NRXN3: variants seen among roughly 807,000 people sequenced by gnomAD.
The protein encoded by NRXN3 is neurexin III.
In NRXN3, 32 loss-of-function variants were observed where a neutral mutation model predicts 137.6. The observed-to-expected ratio is 0.23, with a 90% CI of 0.18 to 0.31. The LOEUF (loss-of-function observed/expected upper bound fraction) is 0.31, where lower values mean the gene tolerates loss of function less well. NRXN3 is among the 10% of genes least tolerant of loss of function. The probability of loss-of-function intolerance (pLI) is 1.00; values close to 1 mark genes in which losing one functional copy is unlikely to be tolerated. For missense variants in NRXN3, 1,574 were observed against 2,062.5 expected, an observed-to-expected ratio of 0.76 and a Z score of 4.59; for synonymous variants, 798 against 784.5, an observed-to-expected ratio of 1.02 and a Z score of -0.29.
chr14:79,839,179 G>A (rs2099350447), intron 20 of NRXN3, among the ~76,000 whole-genome samples: 1 of 151,798 alleles, frequency 6.6e-6, no homozygotes, highest in Admixed American at 6.6e-5. Context: ...CTGCTTGGTT[G>A]CTATGAATCT....
Position 79,697,621 on chromosome 14 carries a change from AC to A in NRXN3, c.3707-6del. 6.2e-7 allele frequency: 1 copy of A among 1,609,024 alleles called. No individual in the cohort carries two copies. Among genetic ancestry groups the A allele is most frequent in the South Asian group, 1.1e-5 (1 of 90,890 alleles). On this transcript the variant is annotated splice_region_variant and splice_polypyrimidine_tract_variant and intron_variant, in intron 18 of 20. Transcript: ENST00000335750. ...AGAATAATAATGTTTCCTCCACCCA[AC>A]CCACTAGGCCGGCAGTTAACCATCT...
intron 4 of NRXN3, among the ~76,000 whole-genome samples, chr14:78,456,799 C>CTCCTTCTTTCTT (rs2094720005): frequency 1.0e-5 from 1 of 97,620 alleles, no homozygotes; most frequent in Non-Finnish European, 2.2e-5. Flanking sequence ...CTCTCTTTCT[C>CTCCTTCTTTCTT]TCTTTCTTTC....
chr14:79,001,040 A>C (rs1344137934), intron 15 of NRXN3, among the ~76,000 whole-genome samples: 1 of 152,148 alleles, frequency 6.6e-6, no homozygotes, highest in African/African-American at 2.4e-5. Context: ...AAGATTTTGC[A>C]TTTAGTTATA....
intron 4 of NRXN3, among the ~76,000 whole-genome samples, chr14:78,306,456 A>G (rs1178861935): frequency 2.0e-5 from 3 of 152,174 alleles, no homozygotes; most frequent in Non-Finnish European, 4.4e-5. Context: ...AATGTTTTGA[A>G]TTGTGTTGTC....
chr14:79,324,788 T>C (rs926962487), intron 15 of NRXN3, among the ~76,000 whole-genome samples: 1 of 152,226 alleles, frequency 6.6e-6, no homozygotes, highest in African/African-American at 2.4e-5. Flanking sequence ...TATTCAATCA[T>C]TAGAACCTAA....
intron 6 of NRXN3, among the ~76,000 whole-genome samples, chr14:78,654,460 T>C (rs2097770502): frequency 1.3e-5 from 2 of 152,238 alleles, no homozygotes; most frequent in African/African-American, 4.8e-5. Context: ...CAATATTTCT[T>C]TGTGTGTGGC....
chr14:78,410,530 T>A (rs929249921), intron 4 of NRXN3, among the ~76,000 whole-genome samples: 2 of 152,170 alleles, frequency 1.3e-5, no homozygotes, highest in African/African-American at 4.8e-5. Context: ...GAGCCAGGGT[T>A]CTTCTTCAGA....
intron 10 of NRXN3, among the ~76,000 whole-genome samples, chr14:78,848,528 G>C (rs1018186896): frequency 6.6e-6 from 1 of 152,098 alleles, no homozygotes; most frequent in African/African-American, 2.4e-5. Context: ...TAGTTGGAGA[G>C]TTTTAGAATA....
chr14:79,536,839 T>G (rs1692339674), intron 16 of NRXN3, among the ~76,000 whole-genome samples: 1 of 152,170 alleles, frequency 6.6e-6, no homozygotes, highest in African/African-American at 2.4e-5. Flanking sequence ...TATACCACAT[T>G]GTCTTTGTCC....
chr14:79,835,749 A>G (rs2099339917), intron 20 of NRXN3, among the ~76,000 whole-genome samples: 1 of 152,196 alleles, frequency 6.6e-6, no homozygotes, highest in South Asian at 2.1e-4. Context: ...TGGGTTTCAT[A>G]TTTATCTTCA....
intron 6 of NRXN3, among the ~76,000 whole-genome samples, chr14:78,674,258 C>T (rs1297268868): frequency 6.6e-6 from 1 of 152,186 alleles, no homozygotes; most frequent in African/African-American, 2.4e-5. Flanking sequence ...TCTTTCAAAT[C>T]TATTTGCTTA....
At position 79,346,603 on chromosome 14, in the gene NRXN3, G is replaced by T. The variant is rs188475133; in HGVS notation, c.3263-120618G>T. Among the ~76,000 whole-genome samples, 179 of 152,208 alleles carry T rather than the reference G, an allele frequency of 1.2e-3. No individual in the cohort carries two copies. The Middle Eastern group carries it at 0.044, about 38-fold the overall frequency. ...GATCACTGCTAAAATCTCAGATCTT[G>T]TGTGCTACCCCTCTGCCCCTAAGGT... On this transcript the variant is annotated intron_variant, in intron 15 of 20. Transcript: ENST00000335750.
chr14:79,684,530 G>A (rs575243811), intron 17 of NRXN3, among the ~76,000 whole-genome samples: 1 of 152,120 alleles, frequency 6.6e-6, no homozygotes, highest in Admixed American at 6.6e-5. Context: ...TCTATAGGAT[G>A]TATACAGAAG....
At chr14:78,911,433 A>G (rs1034272104) in intron 10 of NRXN3, among the ~76,000 whole-genome samples, 1 of 152,310 alleles carries the variant, frequency 6.6e-6, no homozygotes, top group South Asian at 2.1e-4. Flanking sequence ...AGCCTCTGTG[A>G]TATTCCAGTA....
At chr14:79,675,795 C>G (rs1037746959) in intron 17 of NRXN3, among the ~76,000 whole-genome samples, 3 of 152,040 alleles carry the variant, frequency 2.0e-5, no homozygotes, top group African/African-American at 7.2e-5. Context: ...GACACAGATT[C>G]CATTCTAGAG....
intron 4 of NRXN3, among the ~76,000 whole-genome samples, chr14:78,474,965 G>T (rs754498255): frequency 2.6e-5 from 4 of 152,178 alleles, no homozygotes; most frequent in Non-Finnish European, 4.4e-5. Context: ...GATTCAGTGG[G>T]TCTAGTGTAC....
intron 20 of NRXN3, among the ~76,000 whole-genome samples, chr14:79,842,305 G>T (rs1360775382): frequency 6.6e-6 from 1 of 152,174 alleles, no homozygotes; most frequent in African/African-American, 2.4e-5. Flanking sequence ...GAGCAGGCTG[G>T]TTCGTTACTA....
At chr14:78,389,975 T>A (rs969071) in intron 4 of NRXN3, among the ~76,000 whole-genome samples, 60,914 of 152,026 alleles carry the variant, frequency 0.4, 13,215 homozygotes, top group Admixed American at 0.52. Context: ...GTAATTCATC[T>A]TATCCCTCAC....
At chr14:79,334,000 A>G (rs1371172222) in intron 15 of NRXN3, among the ~76,000 whole-genome samples, 2 of 152,124 alleles carry the variant, frequency 1.3e-5, no homozygotes, top group African/African-American at 2.4e-5. Flanking sequence ...CTAGGTCCCC[A>G]CTGAAAATAA....
Sources: gnomAD v4.1 joint callset for allele counts (sites outside exome capture counted in the v4.1 genomes callset) on GRCh38, gnomAD v4.1.1 for gene constraint, MANE v1.5 for transcripts, NCBI Gene and HGNC (gene_info 2026-07-23, HGNC 2026-07-21) for gene names.